The following RPAP2 variants were observed in gnomAD, a reference collection of about 807,000 sequenced individuals.
RPAP2 encodes putative RNA polymerase II subunit B1 CTD phosphatase RPAP2.
Under a neutral mutation model 73.1 loss-of-function variants are expected in RPAP2, and 52 were observed. The ratio of observed to expected loss-of-function variants is 0.71; its 90% CI spans 0.57 to 0.90. The LOEUF (loss-of-function observed/expected upper bound fraction) is 0.90. RPAP2 is among the 40% of genes least tolerant of loss of function. The pLI is 0.00. For missense variants in RPAP2, 598 were observed against 701.8 expected, an observed-to-expected ratio of 0.85 and a Z score of 1.67; for synonymous variants, 225 against 242.1, an observed-to-expected ratio of 0.93 and a Z score of 0.65.
At chr1:92,301,127 G>T (rs1426666743) in intron 2 of RPAP2, among the ~76,000 whole-genome samples, 3 of 152,158 alleles carry the variant, frequency 2.0e-5, no homozygotes, top group Non-Finnish European at 4.4e-5. Flanking sequence ...TTATGTATGT[G>T]CAGTGCAAAA....
chr1:92,382,598 C>G (rs371850449), intron 12 of RPAP2, among the ~76,000 whole-genome samples: 1 of 152,182 alleles, frequency 6.6e-6, no homozygotes, highest in South Asian at 2.1e-4. Flanking sequence ...ATATCCTTCA[C>G]CCACTTTTTG....
chr1:92,360,410 G>A (rs879826926), intron 11 of RPAP2, among the ~76,000 whole-genome samples: 2 of 152,148 alleles, frequency 1.3e-5, no homozygotes, highest in East Asian at 1.9e-4. Flanking sequence ...AGCAAATGCC[G>A]ACTACTCTTT....
rs1434339462 is a variant in RPAP2, at chr1:92,355,522, A to G, written c.1688+9608A>G. Among the ~76,000 whole-genome samples, 3 of 152,234 alleles carry G rather than the reference A, an allele frequency of 2.0e-5. No individual in the cohort carries two copies. In the East Asian group the frequency reaches 5.8e-4, roughly 29 times the overall value. ...ATGGAGTTCCATGGTGACACTGTCC[A>G]AGTGTTATACTTTGTTAGGTATCTC... is the stretch of plus-strand genomic sequence containing the variant. On this transcript the variant is annotated intron_variant, in intron 11 of 12. Coordinates refer to ENST00000610020, the MANE Select transcript of RPAP2 (RefSeq NM_024813.3).
intron 6 of RPAP2, among the ~76,000 whole-genome samples, chr1:92,313,654 C>G (rs944623730): frequency 6.6e-6 from 1 of 152,150 alleles, no homozygotes; most frequent in African/African-American, 2.4e-5. Flanking sequence ...ACGTTAGCCC[C>G]TAACAAGAGA....
At position 92,399,285 on chromosome 1, in the gene RPAP2, G is replaced by A. The variant is rs1402129809; in HGVS notation, c.*12274G>A. 6.6e-6 allele frequency: 1 copy of A among 152,148 alleles called. No individual in the cohort carries two copies. The highest frequency in any genetic ancestry group is 1.5e-5 in the Non-Finnish European group (1 of 68,036). The allele number at this position is 152,148 out of a possible 1,614,324, so 9.4% of individuals were successfully genotyped here. On this transcript the variant is annotated 3_prime_UTR_variant, in exon 13 of 13. Coordinates refer to ENST00000610020, the MANE Select transcript of RPAP2 (RefSeq NM_024813.3). ...GTTCAGGAAATTCTGGACTCCCTTG[G>A]GGCTTGCAAAACTCCCTATGTCTTG...
chr1:92,379,496 T>C (rs1432659901), intron 11 of RPAP2, among the ~76,000 whole-genome samples: 2 of 152,200 alleles, frequency 1.3e-5, no homozygotes, highest in Non-Finnish European at 2.9e-5. Context: ...CACATTTCAG[T>C]TTAAATTACT....
chr1:92,323,403 C>G (rs2101178032), intron 7 of RPAP2, 42 bp from the exon 8 acceptor site: 1 of 1,371,042 alleles, frequency 7.3e-7, no homozygotes, highest in East Asian at 2.3e-5. Flanking sequence ...GTTTTATTTG[C>G]TATTTTTTAT....
At chr1:92,351,017 T>C (rs909785081) in intron 11 of RPAP2, among the ~76,000 whole-genome samples, 8 of 151,644 alleles carry the variant, frequency 5.3e-5, no homozygotes, top group African/African-American at 1.9e-4. Flanking sequence ...TATTTTGAAG[T>C]TAGAAAGGAC....
At chr1:92,321,977 A>G (rs925104140) in intron 7 of RPAP2, among the ~76,000 whole-genome samples, 2 of 135,176 alleles carry the variant, frequency 1.5e-5, no homozygotes, top group African/African-American at 5.6e-5. Context: ...ACAGAGTCTC[A>G]CTCTATCACC....
chr1:92,334,861 G>A (rs1653182831), intron 9 of RPAP2, among the ~76,000 whole-genome samples: 1 of 152,100 alleles, frequency 6.6e-6, no homozygotes, highest in African/African-American at 2.4e-5. Context: ...GGTGGCGGAT[G>A]CCTGTAGTCC....
At chr1:92,319,427 A>G (rs1652119440) in intron 6 of RPAP2, among the ~76,000 whole-genome samples, 1 of 152,140 alleles carries the variant, frequency 6.6e-6, no homozygotes, top group African/African-American at 2.4e-5. Context: ...TGTTATGAGG[A>G]TCAATATCTG....
chr1:92,322,297 C>T (rs1652324035), intron 7 of RPAP2, among the ~76,000 whole-genome samples: 1 of 151,146 alleles, frequency 6.6e-6, no homozygotes, highest in Non-Finnish European at 1.5e-5. Flanking sequence ...GTAATCCCAG[C>T]AGTTTGGGAG....
At chr1:92,303,509 CTG>C (rs1189149908) in intron 3 of RPAP2, among the ~76,000 whole-genome samples, 1 of 152,154 alleles carries the variant, frequency 6.6e-6, no homozygotes, top group African/African-American at 2.4e-5. Context: ...TTTGCACAAA[CTG>C]TGTTCTGCAG....
At chr1:92,323,296 C>A in intron 7 of RPAP2, 149 bp from the exon 8 acceptor site, 1 of 447,198 alleles carries the variant, frequency 2.2e-6, no homozygotes. Context: ...TATATCAGAA[C>A]CTAGAAATAA....
At chr1:92,328,076 T>A (rs186449729) in intron 8 of RPAP2, among the ~76,000 whole-genome samples, 47 of 152,366 alleles carry the variant, frequency 3.1e-4, no homozygotes, top group African/African-American at 1.1e-3. Flanking sequence ...TTTGCCTCAC[T>A]GCTCTTAAGA....
chr1:92,368,792 G>A (rs1378195669), intron 11 of RPAP2, among the ~76,000 whole-genome samples: 1 of 152,190 alleles, frequency 6.6e-6, no homozygotes, highest in East Asian at 1.9e-4. Context: ...TCCTTTTGAT[G>A]TGTAGCATAT....
intron 5 of RPAP2, among the ~76,000 whole-genome samples, chr1:92,305,204 G>A (rs1336157953): frequency 6.6e-6 from 1 of 151,770 alleles, no homozygotes; most frequent in African/African-American, 2.4e-5. Context: ...AGGCCGAGGC[G>A]GGCAGATCAC....
intron 10 of RPAP2, among the ~76,000 whole-genome samples, chr1:92,345,369 C>A (rs1653820374): frequency 7.8e-6 from 1 of 128,958 alleles, no homozygotes; most frequent in East Asian, 2.1e-4. Context: ...ATAGCAAGAC[C>A]CCGTTTCTTT....
At position 92,398,116 on chromosome 1, in the gene RPAP2, C is replaced by T. The variant is rs1419542693; in HGVS notation, c.*11105C>T. The T allele has an allele frequency of 6.6e-6, 1 of 152,238 alleles. No individual in the cohort carries two copies. 9.4% of individuals were successfully genotyped at this position (152,238 alleles called of 1,614,324 possible). A position where few individuals can be genotyped will look rare whatever the true frequency, so the allele number is the denominator to read the frequency against. On this transcript the variant is annotated 3_prime_UTR_variant, in exon 13 of 13. Coordinates refer to ENST00000610020, the MANE Select transcript of RPAP2 (RefSeq NM_024813.3). ...AGTGAGCCATGATTGTGGCACTGCA[C>T]TCCAGCCTAGGCAATAGAGTGAGAC...
Sources: allele counts gnomAD v4.1 joint callset (sites outside exome capture counted in the v4.1 genomes callset), GRCh38; gene constraint gnomAD v4.1.1; transcripts MANE v1.5; gene names NCBI Gene and HGNC (gene_info 2026-07-23, HGNC 2026-07-21).